The following MAPKBP1 variants were observed in gnomAD, a reference collection of about 807,000 sequenced individuals.
MAPKBP1 encodes the protein mitogen-activated protein kinase binding protein 1.
Under a neutral mutation model 170.5 loss-of-function variants are expected in MAPKBP1, and 71 were observed. The observed-to-expected ratio is 0.42, with a 90% confidence interval of 0.34 to 0.51. The LOEUF (loss-of-function observed/expected upper bound fraction) is 0.51. Ranked by LOEUF, MAPKBP1 falls within the 20% of genes least tolerant of loss-of-function variation. The pLI is 0.06. For missense variants in MAPKBP1, 1,598 were observed against 1,933.0 expected (o/e 0.83, Z 3.25); for synonymous variants, 719 against 757.9 (o/e 0.95, Z 0.84).
At chr15:41,780,525 TAAAGAA>T (rs1259234931) in intron 2 of MAPKBP1, among the ~76,000 whole-genome samples, 2 of 152,218 alleles carry the variant, frequency 1.3e-5, no homozygotes, top group African/African-American at 4.8e-5. Context: ...GCAGTGTTGT[TAAAGAA>T]ATAAAGCTAC....
intron 9 of MAPKBP1, among the ~76,000 whole-genome samples, chr15:41,814,296 T>C (rs200162562): frequency 4.4e-4 from 67 of 152,192 alleles, no homozygotes; most frequent in Middle Eastern, 3.2e-3. Flanking sequence ...TTTTGCCCCA[T>C]CACAGCCATA....
intron 23 of MAPKBP1, 100 bp downstream of exon 23, chr15:41,821,168 C>A: frequency 8.7e-7 from 1 of 1,146,960 alleles, no homozygotes; most frequent in Non-Finnish European, 1.3e-6. Context: ...TATGCTTGCT[C>A]TGCCCCTGTG....
chr15:41,813,229 G>C (rs2064834039), intron 8 of MAPKBP1, 128 bp downstream of exon 8: 3 of 1,511,256 alleles, frequency 2.0e-6, no homozygotes, highest in Non-Finnish European at 1.8e-6. Context: ...ACGAAGCTTG[G>C]GGGAGCTAGA....
chr15:41,822,321 G>A lies in MAPKBP1; in HGVS notation c.3128G>A (p.Gly1043Asp). Residue 1043 changes from glycine (G) to aspartate (D), a missense_variant, in exon 26 of 31, where the codon GGC (glycine) becomes GAC (aspartate). Physicochemically the swap from Gly to Asp is moderately conservative, Grantham distance 94 (BLOSUM62 -1). This residue lies in a region of MAPKBP1 where 942 missense variants were observed against 953.2 expected (regional missense o/e 0.99). Coordinates refer to ENST00000457542, the MANE Select transcript of MAPKBP1 (RefSeq NM_014994.3). ...GDEEEEEEEG[G>D]MGPYGLQEGS... ...GAAGAAGAGGAAGAAGAGGAGGGAG[G>A]CATGGGCCCCTATGGGCTACAGGAG... 1 of 1,614,038 alleles carries A rather than the reference G, an allele frequency of 6.2e-7. No homozygotes were observed. Among genetic ancestry groups the A allele is most frequent in the Non-Finnish European group, 8.5e-7 (1 of 1,180,012 alleles).
chr15:41,810,488 C>T (rs2064783260), intron 3 of MAPKBP1, among the ~76,000 whole-genome samples: 1 of 148,596 alleles, frequency 6.7e-6, no homozygotes, highest in Non-Finnish European at 1.5e-5. Context: ...AGGCAGATCA[C>T]TTGAGTTCAA....
Position 41,818,787 on chromosome 15 carries a change from G to A in MAPKBP1, c.2157-36G>A. 6.2e-7 allele frequency: 1 copy of A among 1,610,446 alleles called. No homozygotes were observed. The highest frequency in any genetic ancestry group is 8.5e-7 in the Non-Finnish European group (1 of 1,176,964). ...ACGAATGGCGCTAGCCATTCTACCTGCCCCTCCTTCAGCCAACTGTGTGGC... is the reference window on the plus strand; with the variant it reads ...ACGAATGGCGCTAGCCATTCTACCTACCCCTCCTTCAGCCAACTGTGTGGC... On this transcript the variant is annotated intron_variant, in intron 19 of 30. Transcript: ENST00000457542. This position sits in a 1 kb window ranked among gnomAD's most constrained non-coding sequence, Gnocchi z 5.2.
chr15:41,816,794 C>T, intron 13 of MAPKBP1, 116 bp from the exon 14 acceptor site: 3 of 1,497,224 alleles, frequency 2.0e-6, no homozygotes, highest in South Asian at 1.2e-5. Context: ...TCTGTCCTTG[C>T]TCCATGGTTC....
At position 41,823,796 on chromosome 15, in the gene MAPKBP1, T is replaced by C. The variant is rs1336281590; in HGVS notation, c.3948T>C (p.Pro1316=). The stretch of plus-strand genomic sequence containing the variant: ...CTCCTGTCACCAAAGGCCGGGCCCC[T>C]GGCGAGGCAGAAAAGCCTGGCTTCC... The part of the protein sequence containing the change: ...AFSPVTKGRA[P]GEAEKPGFPV... The change falls in exon 29 of 31, where the codon CCT becomes CCC. Residue 1316 remains proline, a synonymous_variant. Coordinates refer to ENST00000457542, the MANE Select transcript of MAPKBP1 (RefSeq NM_014994.3). 2 of 1,613,858 alleles carry C rather than the reference T, an allele frequency of 1.2e-6. No homozygotes were observed. The highest frequency in any genetic ancestry group is 1.1e-5 in the South Asian group (1 of 91,064).
At chr15:41,801,536 A>G (rs1203993406) in intron 3 of MAPKBP1, among the ~76,000 whole-genome samples, 3 of 152,002 alleles carry the variant, frequency 2.0e-5, no homozygotes, top group Admixed American at 2.0e-4. Flanking sequence ...GCTTAGTTTT[A>G]TCACCTCATC....
intron 3 of MAPKBP1, among the ~76,000 whole-genome samples, chr15:41,802,565 C>T (rs569071631): frequency 9.1e-4 from 138 of 152,306 alleles, no homozygotes; most frequent in Non-Finnish European, 8.1e-4. Context: ...CCTCTGCCTC[C>T]TGGGTTCAAG....
In MAPKBP1 at chr15:41,818,996, A is replaced by G. The variant is rs772584824; in HGVS notation, c.2291+39A>G. On this transcript the variant is annotated intron_variant, in intron 20 of 30. Transcript: ENST00000457542. The surrounding 1 kb of genome is among the most constrained non-coding windows in gnomAD (Gnocchi z 5.2). ...GTGGGCAAGTGATGGGTGGGTGTGC[A>G]GATGGCTTGCTGGGACCTCACTGCA... 6.2e-7 allele frequency: 1 copy of G among 1,607,410 alleles called. No individual in the cohort carries two copies. The highest frequency in any genetic ancestry group is 1.1e-5 in the South Asian group (1 of 90,990).
chr15:41,794,465 A>G (rs2064450803), intron 2 of MAPKBP1, among the ~76,000 whole-genome samples: 1 of 152,180 alleles, frequency 6.6e-6, no homozygotes, highest in African/African-American at 2.4e-5. Flanking sequence ...AAAGACGTGG[A>G]ATAATAGGCA....
intron 30 of MAPKBP1, 197 bp from the exon 31 acceptor site, chr15:41,825,012 C>T: frequency 3.6e-6 from 2 of 552,536 alleles, no homozygotes. Flanking sequence ...GACGGTTCTG[C>T]AATCCAATGG....
In MAPKBP1 at chr15:41,826,694, T is replaced by G. The variant is rs1234590994; in HGVS notation, c.*1258T>G. Reference sequence around the variant, plus strand: ...CACGGGTGTGCTGGATACTGGAGTTTGAGAGGAGGGAGGTGCTGGGGCCAA... The same window carrying G: ...CACGGGTGTGCTGGATACTGGAGTTGGAGAGGAGGGAGGTGCTGGGGCCAA... On this transcript the variant is annotated 3_prime_UTR_variant, in exon 31 of 31. Transcript: ENST00000457542. The G allele has an allele frequency of 6.6e-6, 1 of 151,440 alleles. No individual in the cohort carries two copies. The highest frequency in any genetic ancestry group is 2.4e-5 in the African/African-American group (1 of 41,094). 9.4% of individuals were successfully genotyped at this position (151,440 alleles called of 1,614,324 possible).
At position 41,819,376 on chromosome 15, in the gene MAPKBP1, C is replaced by G. The variant is rs2064947248; in HGVS notation, c.2422C>G (p.Leu808Val). The change falls in exon 21 of 31, where the codon CTG becomes GTG. Residue 808 changes from leucine (L) to valine (V), a missense_variant. Leu to Val is a conservative substitution (Grantham distance 32). This residue lies in a region of MAPKBP1 where 942 missense variants were observed against 953.2 expected (regional missense o/e 0.99). Transcript: ENST00000457542. ...CCTTGCCAAGAGTACCAAGAAGGCACTGGGTCTGTGGCAGTTGGGTGTGGG... is the reference window on the plus strand; with the variant it reads ...CCTTGCCAAGAGTACCAAGAAGGCAGTGGGTCTGTGGCAGTTGGGTGTGGG... ...PVLAKSTKKA[L>V]ASVPSPALPR... 1 of 1,614,068 alleles carries G rather than the reference C, an allele frequency of 6.2e-7. No individual in the cohort carries two copies. Among genetic ancestry groups the G allele is most frequent in the Non-Finnish European group, 8.5e-7 (1 of 1,179,990 alleles).
Position 41,815,393 on chromosome 15 carries a change from C to T in MAPKBP1, c.1305C>T (p.Asn435=), listed in dbSNP as rs2064873557. The T allele has an allele frequency of 6.2e-7, 1 of 1,614,218 alleles. No individual in the cohort carries two copies. Among genetic ancestry groups the T allele is most frequent in the Non-Finnish European group, 8.5e-7 (1 of 1,180,020 alleles). Residue 435 remains asparagine (N), a synonymous_variant, in exon 11 of 31, where the codon AAC becomes AAT. Coordinates refer to ENST00000457542, the MANE Select transcript of MAPKBP1 (RefSeq NM_014994.3). ...SGVHGSTLHR[N]ILSSDLIKII... ...TGCATGGCTCCACCCTCCACCGAAA[C>T]ATCCTCAGCAGTGTGAGCCCTGAGG...
chr15:41,777,255 C>T (rs979511921), intron 2 of MAPKBP1, among the ~76,000 whole-genome samples: 9 of 151,520 alleles, frequency 5.9e-5, no homozygotes, highest in African/African-American at 2.2e-4. Flanking sequence ...GCAGGAGACT[C>T]GCCTGAACCC....
chr15:41,811,028 GGGC>G (rs2064795655), intron 4 of MAPKBP1, 83 bp downstream of exon 4: 4 of 1,568,460 alleles, frequency 2.6e-6, no homozygotes, highest in Non-Finnish European at 3.5e-6. Flanking sequence ...ATGGCTCTGG[GGGC>G]TGGGACCTGG....
At chr15:41,781,992 T>C (rs2064196155) in intron 2 of MAPKBP1, among the ~76,000 whole-genome samples, 1 of 150,612 alleles carries the variant, frequency 6.6e-6, no homozygotes, top group Admixed American at 6.7e-5. Flanking sequence ...CTCATGCCTG[T>C]AATCCTAGCA....
Sources: allele counts gnomAD v4.1 joint callset (sites outside exome capture counted in the v4.1 genomes callset), GRCh38; gene constraint gnomAD v4.1.1; regional missense constraint gnomAD v4.1.1; non-coding constraint Gnocchi (gnomAD v3.1); transcripts MANE v1.5; gene names NCBI Gene and HGNC (gene_info 2026-07-23, HGNC 2026-07-21).